KANSL1: variants seen among roughly 807,000 people sequenced by gnomAD.
KANSL1 encodes the protein MLL1/MLL complex subunit KANSL1.
KANSL1 carries 22 observed loss-of-function variants against 103.6 expected under a neutral mutation model. That is an observed-to-expected ratio of 0.21 (90% CI 0.15 to 0.30). KANSL1 has a LOEUF of 0.30. Among genes scored for constraint, KANSL1 ranks in the 10% least tolerant of loss-of-function variants. The probability of loss-of-function intolerance (pLI) is 1.00; values close to 1 mark genes in which losing one functional copy is unlikely to be tolerated. For missense variants in KANSL1, 1,337 were observed against 1,399.8 expected, an observed-to-expected ratio of 0.96 and a Z score of 0.72; for synonymous variants, 600 against 527.6, an observed-to-expected ratio of 1.14 and a Z score of -1.88.
At chr17:46,052,368 G>A (rs1433697287) in intron 6 of KANSL1, among the ~76,000 whole-genome samples, 1 of 152,120 alleles carries the variant, frequency 6.6e-6, no homozygotes, top group Admixed American at 6.6e-5. Flanking sequence ...ATATTGGGAG[G>A]CCAAGGCGGG....
At position 46,082,503 on chromosome 17, in the gene KANSL1, T is replaced by C. The variant is rs1409671378; in HGVS notation, c.1471A>G (p.Thr491Ala). Residue 491 changes from threonine to alanine, a missense_variant, in exon 4 of 15, where the codon ACA becomes GCA. Around this residue, in one of 2 missense-constraint regions of KANSL1, gnomAD observed 780 missense variants for 923.4 expected, o/e 0.84. Coordinates refer to ENST00000432791, the MANE Select transcript of KANSL1 (RefSeq NM_015443.4). The stretch of plus-strand genomic sequence containing the variant: ...CTAAGTGGAAGAAATAAGTCTGTTG[T>C]ATGCTCTGGGGGAGGTACCTCCCCA... Reference protein sequence around the residue: ...VLGEVPPPEHTTDLFLPLSSE... With the variant: ...VLGEVPPPEHATDLFLPLSSE... The C allele has an allele frequency of 1.2e-6, 2 of 1,612,602 alleles. No individual in the cohort carries two copies. Among genetic ancestry groups the C allele is most frequent in the East Asian group, 2.2e-5 (1 of 44,870 alleles).
At chr17:46,061,216 A>G (rs1236247549) in intron 6 of KANSL1, among the ~76,000 whole-genome samples, 1 of 152,226 alleles carries the variant, frequency 6.6e-6, no homozygotes, top group African/African-American at 2.4e-5. Flanking sequence ...GCAGTAAATT[A>G]TTAATAAAAC....
chr17:46,105,728 G>A (rs535791744), intron 2 of KANSL1, among the ~76,000 whole-genome samples: 30 of 152,150 alleles, frequency 2.0e-4, no homozygotes, highest in African/African-American at 6.5e-4. Flanking sequence ...AAAATTAGCC[G>A]GGAATGGTGG....
chr17:46,057,922 A>G (rs1251735723), intron 6 of KANSL1, among the ~76,000 whole-genome samples: 1 of 152,362 alleles, frequency 6.6e-6, no homozygotes, highest in Admixed American at 6.5e-5. Context: ...CATAAACCAG[A>G]AAACTGGACA....
At chr17:46,197,580 T>C (rs974197798), upstream of KANSL1, among the ~76,000 whole-genome samples, 83 of 152,226 alleles carry the variant, frequency 5.5e-4, no homozygotes, top group Admixed American at 9.1e-4. Context: ...AAGGCAGAGG[T>C]TGCAGTGAGC....
intron 11 of KANSL1, among the ~76,000 whole-genome samples, chr17:46,033,901 G>GT (rs1193557452): frequency 1.3e-5 from 2 of 152,228 alleles, no homozygotes; most frequent in Non-Finnish European, 2.9e-5. Context: ...AAAACATACT[G>GT]TATGTGTTGA....
intron 2 of KANSL1, among the ~76,000 whole-genome samples, chr17:46,169,962 C>T (rs1472328092): frequency 6.6e-6 from 1 of 152,158 alleles, no homozygotes; most frequent in African/African-American, 2.4e-5. Flanking sequence ...GAAACTCAGT[C>T]TCTACTTAAG....
intron 13 of KANSL1, 126 bp from the exon 14 acceptor site, chr17:46,032,425 T>G (rs140588825): frequency 1.2e-4 from 85 of 721,196 alleles, no homozygotes; most frequent in Non-Finnish European, 1.7e-4. Flanking sequence ...TTCCTTAGGA[T>G]CCAGCAACTC....
At chr17:46,063,487 C>G (rs1482351901) in intron 6 of KANSL1, among the ~76,000 whole-genome samples, 1 of 152,186 alleles carries the variant, frequency 6.6e-6, no homozygotes, top group Non-Finnish European at 1.5e-5. Context: ...GCAACCTAGA[C>G]AGAAGGAATG....
chr17:46,105,934 CACACACACA>C (rs1189413174), intron 2 of KANSL1, among the ~76,000 whole-genome samples: 10 of 82,430 alleles, frequency 1.2e-4, no homozygotes, highest in African/African-American at 3.7e-4. Flanking sequence ...CACACACACA[CACACACACA>C]CACACCCCCC....
chr17:46,197,727 T>C (rs2047660836), upstream of KANSL1, among the ~76,000 whole-genome samples: 1 of 152,256 alleles, frequency 6.6e-6, no homozygotes, highest in African/African-American at 2.4e-5. Flanking sequence ...TTTGTTTTCA[T>C]ATACCAGTCT....
At chr17:46,067,769 T>G in intron 4 of KANSL1, 102 bp from the exon 5 acceptor site, 3 of 656,856 alleles carry the variant, frequency 4.6e-6, no homozygotes, top group Non-Finnish European at 8.1e-6. Context: ...AAACTTCTGA[T>G]GATCAATTTG....
intron 2 of KANSL1, among the ~76,000 whole-genome samples, chr17:46,108,812 C>A (rs1390422829): frequency 6.6e-6 from 1 of 152,174 alleles, no homozygotes; most frequent in Non-Finnish European, 1.5e-5. Context: ...TAACTCTGGC[C>A]TCCTCATAAA....
intron 1 of KANSL1, among the ~76,000 whole-genome samples, chr17:46,175,411 G>A (rs550628263): frequency 1.1e-4 from 16 of 151,706 alleles, no homozygotes; most frequent in Admixed American, 4.6e-4. Flanking sequence ...GTGCAGTGGC[G>A]TGATCTCGGC....
At chr17:46,062,415 G>T (rs1168920453) in intron 6 of KANSL1, among the ~76,000 whole-genome samples, 1 of 133,608 alleles carries the variant, frequency 7.5e-6, no homozygotes, top group African/African-American at 2.8e-5. Context: ...CTGGAGTGCT[G>T]TGGCGAGATC....
chr17:46,178,564 T>C (rs1022875256), intron 1 of KANSL1, among the ~76,000 whole-genome samples: 3 of 152,220 alleles, frequency 2.0e-5, no homozygotes, highest in Admixed American at 1.3e-4. Flanking sequence ...TGCAGTAAGC[T>C]TGTACAGATA....
chr17:46,051,371 T>TA (rs1469000193), intron 6 of KANSL1, among the ~76,000 whole-genome samples: 3 of 149,736 alleles, frequency 2.0e-5, no homozygotes, highest in Non-Finnish European at 4.5e-5. Context: ...GTCTTCATGT[T>TA]AGATTAATTC....
intron 6 of KANSL1, among the ~76,000 whole-genome samples, chr17:46,062,141 A>ACAGCAGATT (rs1201505688): frequency 1.5e-5 from 2 of 135,622 alleles, no homozygotes; most frequent in Non-Finnish European, 3.2e-5. Context: ...AAAACATGTT[A>ACAGCAGATT]CAGCAGATTT....
intron 1 of KANSL1, among the ~76,000 whole-genome samples, chr17:46,178,211 A>C (rs2046620717): frequency 6.6e-6 from 1 of 152,244 alleles, no homozygotes. Context: ...AGCAGTTCTT[A>C]GAGAAGCTCA....
Sources: gnomAD v4.1 joint callset for allele counts (sites outside exome capture counted in the v4.1 genomes callset) on GRCh38, gnomAD v4.1.1 for gene constraint, gnomAD v4.1.1 regional missense constraint, MANE v1.5 for transcripts, NCBI Gene and HGNC (gene_info 2026-07-23, HGNC 2026-07-21) for gene names.